Variants in PIWIL2 observed in about 807,000 individuals in gnomAD.
PIWIL2 encodes the protein piwi like RNA-mediated gene silencing 2, also known as piwi-like protein 2.
Under a neutral mutation model 116.5 loss-of-function variants are expected in PIWIL2, and 81 were observed. The ratio of observed to expected loss-of-function variants is 0.70; its 90% CI spans 0.58 to 0.84. PIWIL2 has a LOEUF of 0.84. Among genes scored for constraint, PIWIL2 ranks in the 40% least tolerant of loss-of-function variants. The pLI is 0.00. For missense variants in PIWIL2, 1,272 were observed against 1,212.3 expected (o/e 1.05, Z -0.73); for synonymous variants, 489 against 429.5 (o/e 1.14, Z -1.71).
Position 22,355,738 on chromosome 8 carries a change from T to C in PIWIL2, c.*233T>C, listed in dbSNP as rs2132119337. ...GCCTGTGTAGAGCAAGTTACGGTGG[T>C]ACTGCCACTCTGCAGGTGGAGCGGG... On this transcript the variant is annotated 3_prime_UTR_variant, in exon 23 of 23. Transcript: ENST00000356766. The C allele has an allele frequency of 2.0e-6, 1 of 509,684 alleles. No individual in the cohort carries two copies. The highest frequency in any genetic ancestry group is 3.4e-5 in the East Asian group (1 of 29,576). The allele number at this position is 509,684 out of a possible 1,614,324, so 31.6% of individuals were successfully genotyped here. A position where few individuals can be genotyped will look rare whatever the true frequency, so the allele number is the denominator to read the frequency against.
chr8:22,302,282 A>G (rs118086196), intron 10 of PIWIL2, among the ~76,000 whole-genome samples: 9,270 of 151,954 alleles, frequency 0.061, 352 homozygotes, highest in Admixed American at 0.092. Flanking sequence ...CCCGGGTTCA[A>G]GTGATTCTCC....
chr8:22,311,069 A>T, intron 15 of PIWIL2, 43 bp from the exon 16 acceptor site: 1 of 1,489,518 alleles, frequency 6.7e-7, no homozygotes, highest in Non-Finnish European at 9.2e-7. Context: ...AGTTTGGGAT[A>T]TTTAAATTGT....
intron 20 of PIWIL2, among the ~76,000 whole-genome samples, chr8:22,326,292 A>C (rs886882153): frequency 6.6e-6 from 1 of 152,088 alleles, no homozygotes; most frequent in Non-Finnish European, 1.5e-5. Flanking sequence ...AGGCCAAGGC[A>C]GGTGGATTGC....
At chr8:22,308,847 C>T (rs1189149139) in intron 14 of PIWIL2, among the ~76,000 whole-genome samples, 1 of 152,100 alleles carries the variant, frequency 6.6e-6, no homozygotes, top group Non-Finnish European at 1.5e-5. Context: ...CGGAGTTTCA[C>T]CATGTTGCCA....
chr8:22,302,639 G>A (rs1831079650), intron 10 of PIWIL2, among the ~76,000 whole-genome samples: 1 of 152,080 alleles, frequency 6.6e-6, no homozygotes, highest in African/African-American at 2.4e-5. Flanking sequence ...GTAGAGCTTA[G>A]TCATTCGGAT....
intron 20 of PIWIL2, among the ~76,000 whole-genome samples, chr8:22,349,415 G>GTATA (rs540224852): frequency 0.08 from 10,736 of 134,050 alleles, 469 homozygotes; most frequent in East Asian, 0.14. Context: ...ATATATGTGT[G>GTATA]TGTGTATATA....
intron 20 of PIWIL2, among the ~76,000 whole-genome samples, chr8:22,345,431 C>CA (rs1409940082): frequency 1.3e-3 from 200 of 152,128 alleles, no homozygotes; most frequent in Non-Finnish European, 2.0e-3. Context: ...GAGGCTGAGG[C>CA]GGGCGGATCA....
chr8:22,309,173 G>A (rs1412687388), intron 14 of PIWIL2, among the ~76,000 whole-genome samples: 4 of 151,992 alleles, frequency 2.6e-5, no homozygotes, highest in South Asian at 2.1e-4. Context: ...TCTTGGCCAG[G>A]CTGGTCTTGA....
chr8:22,341,907 A>G (rs1832119343), intron 20 of PIWIL2, among the ~76,000 whole-genome samples: 1 of 151,616 alleles, frequency 6.6e-6, no homozygotes, highest in Non-Finnish European at 1.5e-5. Context: ...ACAACAAAAA[A>G]CCCTGCTAGA....
Position 22,293,008 on chromosome 8 carries a change from G to A in PIWIL2, c.1181+2662G>A, listed in dbSNP as rs111254001. 6.0e-3 allele frequency among the ~76,000 whole-genome samples: 918 copies of A among 152,350 alleles called. 7 individuals are homozygous for A. The highest frequency in any genetic ancestry group is 0.021 in the African/African-American group (861 of 41,588). On this transcript the variant is annotated intron_variant, in intron 10 of 22. Transcript: ENST00000356766. Reference sequence around the variant, plus strand: ...TGTAAGTTTTATTTAATTGTACACAGTAAATGTTCAAGAATATTTATTAAA... The same window carrying A: ...TGTAAGTTTTATTTAATTGTACACAATAAATGTTCAAGAATATTTATTAAA...
chr8:22,279,690 C>G (rs766220460), intron 2 of PIWIL2, 106 bp downstream of exon 2: 2 of 1,041,996 alleles, frequency 1.9e-6, no homozygotes, highest in Admixed American at 4.0e-5. Context: ...CGGTGGCTCA[C>G]GCCTGTAATC....
intron 20 of PIWIL2, among the ~76,000 whole-genome samples, chr8:22,343,072 G>T (rs911515714): frequency 2.4e-4 from 36 of 151,982 alleles, no homozygotes; most frequent in African/African-American, 7.7e-4. Flanking sequence ...TTTGAGACCA[G>T]CCTGACCAAT....
At chr8:22,293,110 G>T (rs905725073) in intron 10 of PIWIL2, among the ~76,000 whole-genome samples, 1 of 151,938 alleles carries the variant, frequency 6.6e-6, no homozygotes, top group South Asian at 2.1e-4. Context: ...TATTTTTCTT[G>T]CATGTACTTT....
chr8:22,301,350 G>A (rs1831044407), intron 10 of PIWIL2, among the ~76,000 whole-genome samples: 1 of 151,930 alleles, frequency 6.6e-6, no homozygotes, highest in Non-Finnish European at 1.5e-5. Flanking sequence ...CCAGGATGGA[G>A]TGCAGTGGCG....
chr8:22,295,083 A>G lies in PIWIL2; in HGVS notation c.1181+4737A>G, dbSNP rs1209461976. ...AACAGAGCGAGACTTCGTCTGGGGG[A>G]AAAAAAAAATATTTTTATTTTCTCC... On this transcript the variant is annotated intron_variant, in intron 10 of 22. Transcript: ENST00000356766. 5.6e-5 allele frequency among the ~76,000 whole-genome samples: 8 copies of G among 144,052 alleles called. No homozygotes were observed. The East Asian group carries it at 5.9e-4, about 11-fold the overall frequency. 94.5% of individuals were successfully genotyped at this position (144,052 alleles called of 152,430 possible).
At chr8:22,307,472 C>CT (rs1452022354) in intron 13 of PIWIL2, among the ~76,000 whole-genome samples, 7 of 73,014 alleles carry the variant, frequency 9.6e-5, no homozygotes, top group Non-Finnish European at 1.8e-4. Context: ...TTTTATTATT[C>CT]ATTTTTTTTT....
intron 20 of PIWIL2, among the ~76,000 whole-genome samples, chr8:22,342,281 G>T (rs931168337): frequency 6.6e-6 from 1 of 152,160 alleles, no homozygotes; most frequent in Non-Finnish European, 1.5e-5. Context: ...CAAAATCCCA[G>T]CAAGTTATTT....
In PIWIL2 at chr8:22,354,255, T is replaced by C; in HGVS notation, c.2658-16T>C. 3 of 1,545,222 alleles carry C rather than the reference T, an allele frequency of 1.9e-6. No homozygotes were observed. Among genetic ancestry groups the C allele is most frequent in the Non-Finnish European group, 2.7e-6 (3 of 1,117,168 alleles). ...TGAATCCGACCATTTCACTGATTTA[T>C]GGTTTTCCTTCCTAGGGTGGATTTC... is the stretch of plus-strand genomic sequence containing the variant. On this transcript the variant is annotated splice_polypyrimidine_tract_variant and intron_variant, in intron 21 of 22. Transcript: ENST00000356766.
chr8:22,344,853 G>A (rs1220706812), intron 20 of PIWIL2, among the ~76,000 whole-genome samples: 1 of 152,170 alleles, frequency 6.6e-6, no homozygotes, highest in Admixed American at 6.5e-5. Flanking sequence ...TCCAGCCTTG[G>A]TGACAGAGTA....
Sources: allele counts gnomAD v4.1 joint callset (sites outside exome capture counted in the v4.1 genomes callset), GRCh38; gene constraint gnomAD v4.1.1; transcripts MANE v1.5; gene names NCBI Gene and HGNC (gene_info 2026-07-23, HGNC 2026-07-21).